Variants in RIC8B observed in about 807,000 individuals in gnomAD.
RIC8B encodes RIC8 guanine nucleotide exchange factor B.
Under a neutral mutation model 57.5 loss-of-function variants are expected in RIC8B, and 16 were observed. The ratio of observed to expected loss-of-function variants is 0.28; its 90% confidence interval spans 0.19 to 0.42. The LOEUF (loss-of-function observed/expected upper bound fraction) is 0.42. Ranked by LOEUF, RIC8B falls within the 10% of genes least tolerant of loss-of-function variation. The probability of loss-of-function intolerance (pLI) is 1.00; values close to 1 mark genes in which losing one functional copy is unlikely to be tolerated. For missense variants in RIC8B, 481 were observed against 677.0 expected (o/e 0.71, Z 3.21); for synonymous variants, 216 against 250.8 (o/e 0.86, Z 1.31).
chr12:106,863,163 C>T (rs568441630), intron 8 of RIC8B, among the ~76,000 whole-genome samples: 10 of 152,078 alleles, frequency 6.6e-5, no homozygotes, highest in Non-Finnish European at 1.3e-4. Flanking sequence ...TGTCTAATGA[C>T]ATTTGGCTCC....
intron 6 of RIC8B, among the ~76,000 whole-genome samples, chr12:106,846,716 G>C (rs554741718): frequency 1.1e-3 from 102 of 92,520 alleles, no homozygotes; most frequent in African/African-American, 4.3e-3. Context: ...TCTCTAAACA[G>C]AACAGCCAAA....
chr12:106,820,137 T>C (rs2045774091), intron 3 of RIC8B, among the ~76,000 whole-genome samples: 1 of 152,198 alleles, frequency 6.6e-6, no homozygotes, highest in Admixed American at 6.5e-5. Context: ...AAACATTTGG[T>C]TTTAAACTGT....
At chr12:106,829,279 C>G (rs998245905) in intron 4 of RIC8B, among the ~76,000 whole-genome samples, 2 of 152,168 alleles carry the variant, frequency 1.3e-5, no homozygotes, top group African/African-American at 4.8e-5. Flanking sequence ...AGTCCATAAT[C>G]AACAAGCTTA....
intron 7 of RIC8B, among the ~76,000 whole-genome samples, chr12:106,855,440 T>C (rs1176393945): frequency 6.6e-6 from 1 of 150,774 alleles, no homozygotes; most frequent in Non-Finnish European, 1.5e-5. Context: ...GAAAAACTAG[T>C]CCTCAACTTG....
At position 106,815,184 on chromosome 12, in the gene RIC8B, G is replaced by A. The variant is rs748308721; in HGVS notation, c.621G>A (p.Glu207=). 2.5e-6 allele frequency: 4 copies of A among 1,614,240 alleles called. No individual in the cohort carries two copies. The highest frequency in any genetic ancestry group is 2.2e-5 in the South Asian group (2 of 91,086). The change falls in exon 3 of 10, where the codon GAG becomes GAA. Residue 207 remains glutamate, a synonymous_variant. Transcript: ENST00000392837. ...CCTTTAGCATCAAGTGGACCGATGAGTATGAATCGGCCATAGACCATAATG... is the reference window on the plus strand; with the variant it reads ...CCTTTAGCATCAAGTGGACCGATGAATATGAATCGGCCATAGACCATAATG... ...ESAFSIKWTD[E]YESAIDHNGP...
intron 3 of RIC8B, among the ~76,000 whole-genome samples, chr12:106,824,669 G>T (rs1481514752): frequency 1.3e-5 from 2 of 152,116 alleles, no homozygotes; most frequent in Admixed American, 6.5e-5. Context: ...GTCAAGGCGG[G>T]TGGATCACCT....
chr12:106,777,325 G>A (rs190952877), intron 1 of RIC8B, among the ~76,000 whole-genome samples: 1 of 152,186 alleles, frequency 6.6e-6, no homozygotes, highest in Non-Finnish European at 1.5e-5. Flanking sequence ...GATCATAGTG[G>A]TTCAGGCAGT....
intron 9 of RIC8B, among the ~76,000 whole-genome samples, chr12:106,883,403 G>A (rs184239652): frequency 1.3e-5 from 2 of 152,180 alleles, no homozygotes; most frequent in African/African-American, 4.8e-5. Context: ...TAATGGAAAC[G>A]TTGTTTCTAG....
At chr12:106,864,263 T>G (rs531165290) in intron 8 of RIC8B, among the ~76,000 whole-genome samples, 1 of 152,262 alleles carries the variant, frequency 6.6e-6, no homozygotes, top group South Asian at 2.1e-4. Flanking sequence ...CATGGTTTTT[T>G]TAGTTAATGA....
chr12:106,786,971 A>G (rs2044058636), intron 2 of RIC8B, among the ~76,000 whole-genome samples: 2 of 152,216 alleles, frequency 1.3e-5, no homozygotes, highest in African/African-American at 4.8e-5. Flanking sequence ...TTTTACTGGT[A>G]AATACAAGCA....
chr12:106,860,100 G>GA (rs1185066494), intron 7 of RIC8B, among the ~76,000 whole-genome samples, 168 bp from the exon 8 acceptor site: 4 of 152,144 alleles, frequency 2.6e-5, no homozygotes, highest in Non-Finnish European at 5.9e-5. Context: ...GAACCTATGG[G>GA]AAAATTTGTA....
At chr12:106,820,854 A>G (rs921934194) in intron 3 of RIC8B, among the ~76,000 whole-genome samples, 4 of 152,162 alleles carry the variant, frequency 2.6e-5, no homozygotes, top group African/African-American at 4.8e-5. Flanking sequence ...GATCCCAAAG[A>G]ATTTCCTGAG....
chr12:106,858,800 T>C (rs1949815102), intron 7 of RIC8B, among the ~76,000 whole-genome samples: 1 of 152,134 alleles, frequency 6.6e-6, no homozygotes, highest in Non-Finnish European at 1.5e-5. Flanking sequence ...AGGGCTTCCT[T>C]TCATTTATCC....
chr12:106,803,224 A>AAAAAAT (rs2044831569), intron 2 of RIC8B, among the ~76,000 whole-genome samples: 1 of 150,928 alleles, frequency 6.6e-6, no homozygotes, highest in Non-Finnish European at 1.5e-5. Context: ...TCAAAAAAAA[A>AAAAAAT]AAAAAAAAAA....
chr12:106,783,580 A>G (rs1379177923), intron 1 of RIC8B, among the ~76,000 whole-genome samples: 2 of 152,178 alleles, frequency 1.3e-5, no homozygotes, highest in Non-Finnish European at 2.9e-5. Context: ...CCCCAAACGT[A>G]TGTCCTGTGT....
At chr12:106,865,494 G>A (rs1024051098) in intron 8 of RIC8B, among the ~76,000 whole-genome samples, 1 of 152,096 alleles carries the variant, frequency 6.6e-6, no homozygotes, top group African/African-American at 2.4e-5. Context: ...TGTATACCCC[G>A]ATATTCCTGA....
At chr12:106,818,610 G>A (rs746192471) in intron 3 of RIC8B, among the ~76,000 whole-genome samples, 3 of 152,056 alleles carry the variant, frequency 2.0e-5, no homozygotes, top group Non-Finnish European at 4.4e-5. Context: ...ACCACACTCG[G>A]CTAATTGTTT....
At chr12:106,852,620 T>C (rs1949521887) in intron 7 of RIC8B, among the ~76,000 whole-genome samples, 1 of 152,244 alleles carries the variant, frequency 6.6e-6, no homozygotes, top group African/African-American at 2.4e-5. Flanking sequence ...GTAAATATTA[T>C]ATTTTGATTT....
intron 2 of RIC8B, among the ~76,000 whole-genome samples, chr12:106,796,808 G>A (rs539591432): frequency 1.1e-4 from 16 of 152,314 alleles, no homozygotes; most frequent in Non-Finnish European, 2.1e-4. Flanking sequence ...GATAAAAGAC[G>A]TGTATCTAGA....
Sources: allele counts gnomAD v4.1 joint callset (sites outside exome capture counted in the v4.1 genomes callset), GRCh38; gene constraint gnomAD v4.1.1; transcripts MANE v1.5; gene names NCBI Gene and HGNC (gene_info 2026-07-23, HGNC 2026-07-21).